Variants in ERAP1 observed in about 807,000 individuals in gnomAD.
ERAP1 encodes endoplasmic reticulum aminopeptidase 1.
In ERAP1, 86 loss-of-function variants were observed where a neutral mutation model predicts 103.7. The ratio of observed to expected loss-of-function variants is 0.83; its 90% CI spans 0.70 to 0.99. The LOEUF is 0.99. Ranked by LOEUF, ERAP1 falls within the 50% of genes least tolerant of loss-of-function variation. ERAP1 has a pLI of 0.00. For missense variants in ERAP1, 1,009 were observed against 1,128.4 expected (o/e 0.89, Z 1.52); for synonymous variants, 398 against 402.4 (o/e 0.99, Z 0.13).
the ERAP1 span, among the ~76,000 whole-genome samples, chr5:96,869,431 T>C: frequency 6.6e-6 from 1 of 151,340 alleles, no homozygotes; most frequent in African/African-American, 2.4e-5. Flanking sequence ...GGATGAAAGT[T>C]GAGAATTAGC....
intron 19 of ERAP1, among the ~76,000 whole-genome samples, chr5:96,764,813 T>C (rs577515073): frequency 2.0e-5 from 3 of 152,330 alleles, no homozygotes; most frequent in African/African-American, 7.2e-5. Flanking sequence ...TTTGTTTTCA[T>C]ATCCAGTTTT....
chr5:96,799,880 TG>T (rs1421213742), intron 3 of ERAP1, among the ~76,000 whole-genome samples: 1 of 152,064 alleles, frequency 6.6e-6, no homozygotes, highest in Non-Finnish European at 1.5e-5. Context: ...TGGCGTGGGG[TG>T]GGAGATCCGA....
At chr5:96,909,548 C>T in the ERAP1 span, 6 of 1,568,092 alleles carry the variant, frequency 3.8e-6, no homozygotes, top group Non-Finnish European at 5.3e-6. Context: ...CTAAATTTAG[C>T]CTCTCTGTTA....
Position 96,776,399 on chromosome 5 carries a change from C to T in ERAP1, c.2823G>A (p.Met941Ile), listed in dbSNP as rs1166619637. The part of the protein sequence containing the change: ...VWLQSEKLER[M>I] ...GAACCTGGCAAGGGAGGAATTTTTA[C>T]ATACGTTCAAGCTTTTCACTTTGCA... is the stretch of plus-strand genomic sequence containing the variant. The change falls in exon 19 of 19, where the codon ATG (methionine) becomes ATA (isoleucine). Residue 941 changes from methionine to isoleucine, a missense_variant. Coordinates refer to ENST00000443439, the MANE Select transcript of ERAP1 (RefSeq NM_001040458.3). The T allele has an allele frequency of 6.2e-7, 1 of 1,603,540 alleles. No individual in the cohort carries two copies. Among genetic ancestry groups the T allele is most frequent in the Non-Finnish European group, 8.5e-7 (1 of 1,174,520 alleles).
At chr5:96,763,625 G>T (rs1019600265) in intron 19 of ERAP1, among the ~76,000 whole-genome samples, 2 of 152,172 alleles carry the variant, frequency 1.3e-5, no homozygotes, top group Non-Finnish European at 2.9e-5. Context: ...TTTATTTGAA[G>T]ATGTCACTAA....
At chr5:96,884,762 C>T in the ERAP1 span, among the ~76,000 whole-genome samples, 49 of 152,106 alleles carry the variant, frequency 3.2e-4, no homozygotes, top group African/African-American at 1.1e-3. Context: ...GGTTTCACCA[C>T]GTTAGTCAGC....
chr5:96,925,731 A>G, the ERAP1 span, among the ~76,000 whole-genome samples: 3 of 152,130 alleles, frequency 2.0e-5, no homozygotes, highest in Non-Finnish European at 4.4e-5. Flanking sequence ...TTAGGGTTCC[A>G]TTTGGGAAAA....
intron 18 of ERAP1, among the ~76,000 whole-genome samples, chr5:96,778,601 C>T (rs1774696249): frequency 2.0e-5 from 3 of 152,126 alleles, no homozygotes; most frequent in Admixed American, 2.0e-4. Flanking sequence ...AGGTCATGGA[C>T]ACATGGGAAG....
At chr5:96,892,450 C>T in the ERAP1 span, 1 of 1,613,754 alleles carries the variant, frequency 6.2e-7, no homozygotes, top group East Asian at 2.2e-5. Context: ...AACTGGCGCA[C>T]CAGGTACTTG....
chr5:96,790,268 G>A, intron 10 of ERAP1, 28 bp downstream of exon 10: 1 of 1,604,432 alleles, frequency 6.2e-7, no homozygotes, highest in Non-Finnish European at 8.5e-7. Context: ...ATGTGCTTGG[G>A]GGAACATGTA....
downstream of ERAP1, chr5:96,771,620 G>A (rs991828680): frequency 5.0e-6 from 8 of 1,602,342 alleles, no homozygotes; most frequent in African/African-American, 2.7e-5. Flanking sequence ...GAAAGCTCAC[G>A]GATGGTTTTG....
the ERAP1 span, among the ~76,000 whole-genome samples, chr5:96,912,389 G>A: frequency 1.4e-3 from 215 of 152,078 alleles, 3 homozygotes; most frequent in Middle Eastern, 0.014. Flanking sequence ...TTTCACCTCA[G>A]AGTAGGTTAA....
intron 19 of ERAP1, chr5:96,765,984 A>G (rs1291599077): frequency 1.1e-6 from 1 of 896,472 alleles, no homozygotes; most frequent in Admixed American, 1.9e-5. Context: ...TGAATGCTGC[A>G]TTTGACAATG....
the ERAP1 span, among the ~76,000 whole-genome samples, chr5:96,820,348 G>A: frequency 6.6e-6 from 1 of 151,960 alleles, no homozygotes; most frequent in Admixed American, 6.6e-5. Context: ...CAGGGTGCTT[G>A]GAACGTCAAT....
chr5:96,927,674 G>A, the ERAP1 span, among the ~76,000 whole-genome samples: 1 of 152,116 alleles, frequency 6.6e-6, no homozygotes, highest in Non-Finnish European at 1.5e-5. Flanking sequence ...TTTTAGTGGA[G>A]ACGGGGTTTC....
At chr5:96,808,421 G>C (rs73148317), upstream of ERAP1, among the ~76,000 whole-genome samples, 2,795 of 151,952 alleles carry the variant, frequency 0.018, 80 homozygotes, top group African/African-American at 0.063. Context: ...CATTGGACTC[G>C]CTGGGTGTCC....
At chr5:96,909,477 T>A in the ERAP1 span, 1 of 870,504 alleles carries the variant, frequency 1.1e-6, no homozygotes. Context: ...GGGGAAAGAT[T>A]GGGAAAGATG....
In ERAP1 at chr5:96,792,136, G is replaced by A; in HGVS notation, c.1245C>T (p.Ser415=). 2 of 1,613,848 alleles carry A rather than the reference G, an allele frequency of 1.2e-6. No homozygotes were observed. The highest frequency in any genetic ancestry group is 1.7e-6 in the Non-Finnish European group (2 of 1,179,810). Residue 415 remains serine, a synonymous_variant, in exon 8 of 19, where the codon TCC becomes TCT. Coordinates refer to ENST00000443439, the MANE Select transcript of ERAP1 (RefSeq NM_001040458.3). ...CCACAGGTGTAGACACAGGGTGTGA[G>A]GAATTTAAAGCATCTACCTCCATTG... ...FDAMEVDALN[S]SHPVSTPVEN...
intron 5 of ERAP1, 105 bp downstream of exon 5, chr5:96,794,937 G>T: frequency 7.2e-7 from 1 of 1,397,156 alleles, no homozygotes. Context: ...GGTTTTTGTG[G>T]CTTGAGGGGC....
Sources: allele counts gnomAD v4.1 joint callset (sites outside exome capture counted in the v4.1 genomes callset), GRCh38; gene constraint gnomAD v4.1.1; transcripts MANE v1.5; gene names NCBI Gene and HGNC (gene_info 2026-07-23, HGNC 2026-07-21).